KLHL29: variants seen among roughly 807,000 people sequenced by gnomAD.
The protein encoded by KLHL29 is kelch-like protein 29.
In KLHL29, 21 loss-of-function variants were observed where a neutral mutation model predicts 80.4. The ratio of observed to expected loss-of-function variants is 0.26; its 90% CI spans 0.19 to 0.38. The LOEUF is 0.38. KLHL29 is among the 10% of genes least tolerant of loss of function. KLHL29 has a pLI of 1.00. For synonymous variants in KLHL29, 511 were observed against 526.8 expected (o/e 0.97, Z 0.41); for missense variants, 867 against 1,223.9 (o/e 0.71, Z 4.35).
At chr2:23,643,067 A>G (rs1207847306) in intron 5 of KLHL29, 1 of 699,484 alleles carries the variant, frequency 1.4e-6, no homozygotes, top group African/African-American at 1.7e-5. Context: ...CAAAGTGGGA[A>G]AATGCGCCGG....
At chr2:23,430,324 A>C (rs546024508) in intron 1 of KLHL29, among the ~76,000 whole-genome samples, 1 of 152,334 alleles carries the variant, frequency 6.6e-6, no homozygotes, top group East Asian at 1.9e-4. Context: ...CTGCCTTGTG[A>C]AGACCTCATC....
chr2:23,573,185 G>A (rs910991262), intron 3 of KLHL29, among the ~76,000 whole-genome samples: 1 of 152,200 alleles, frequency 6.6e-6, no homozygotes, highest in African/African-American at 2.4e-5. Context: ...AGCATTTGCA[G>A]TCACAGTATC....
intron 2 of KLHL29, among the ~76,000 whole-genome samples, chr2:23,550,537 A>C (rs1202949955): frequency 1.3e-5 from 2 of 152,224 alleles, no homozygotes; most frequent in Non-Finnish European, 2.9e-5. Flanking sequence ...CGCAGCCGTC[A>C]ACCCAGATGC....
chr2:23,565,673 G>T (rs954819516), intron 3 of KLHL29, among the ~76,000 whole-genome samples: 1 of 152,188 alleles, frequency 6.6e-6, no homozygotes, highest in African/African-American at 2.4e-5. Flanking sequence ...TGGATGGTGG[G>T]GTGGGTGGGC....
chr2:23,594,214 T>A (rs1668339748), intron 3 of KLHL29, among the ~76,000 whole-genome samples: 1 of 152,038 alleles, frequency 6.6e-6, no homozygotes, highest in African/African-American at 2.4e-5. Flanking sequence ...TATTTGGGAG[T>A]GCTCCGGGGA....
At chr2:23,526,581 G>A (rs1247068606) in intron 2 of KLHL29, among the ~76,000 whole-genome samples, 1 of 152,144 alleles carries the variant, frequency 6.6e-6, no homozygotes, top group Non-Finnish European at 1.5e-5. Context: ...TGGGCTGGTG[G>A]CCTGCTCTGC....
At chr2:23,482,826 CTCATTCATTCAT>C (rs55692243) in intron 2 of KLHL29, among the ~76,000 whole-genome samples, 41,987 of 150,240 alleles carry the variant, frequency 0.28, 6,500 homozygotes, top group African/African-American at 0.4. Flanking sequence ...GCAACGCTCA[CTCATTCATTCAT>C]TCATTCATTC....
intron 3 of KLHL29, among the ~76,000 whole-genome samples, chr2:23,589,899 G>A (rs557642695): frequency 1.2e-4 from 19 of 152,358 alleles, no homozygotes; most frequent in Non-Finnish European, 8.8e-5. Flanking sequence ...TGTACAAGCT[G>A]TGCACTGAAC....
At chr2:23,441,330 G>T (rs1358970830) in intron 1 of KLHL29, among the ~76,000 whole-genome samples, 1 of 128,090 alleles carries the variant, frequency 7.8e-6, no homozygotes, top group Non-Finnish European at 1.6e-5. Flanking sequence ...GGACTGTGGC[G>T]GGGTGGGGGG....
chr2:23,613,818 TACA>T (rs1447724732), intron 3 of KLHL29, among the ~76,000 whole-genome samples: 1 of 122,276 alleles, frequency 8.2e-6, no homozygotes, highest in East Asian at 2.1e-4. Flanking sequence ...ACCAGGAAGA[TACA>T]ACAATTGTAC....
At chr2:23,519,048 C>T (rs1161884586) in intron 2 of KLHL29, among the ~76,000 whole-genome samples, 1 of 152,228 alleles carries the variant, frequency 6.6e-6, no homozygotes, top group East Asian at 1.9e-4. Flanking sequence ...GAGCCCACTT[C>T]TCTCCTCTCT....
At chr2:23,677,703 G>A (rs748496053) in intron 5 of KLHL29, among the ~76,000 whole-genome samples, 10 of 152,226 alleles carry the variant, frequency 6.6e-5, no homozygotes, top group Non-Finnish European at 1.3e-4. Context: ...GAGCAGCAGC[G>A]GGACGTTCTG....
intron 1 of KLHL29, among the ~76,000 whole-genome samples, chr2:23,391,930 TTGCAGTGATAC>T (rs1666331816): frequency 6.6e-6 from 1 of 152,260 alleles, no homozygotes; most frequent in Non-Finnish European, 1.5e-5. Flanking sequence ...CTTGTCCTAG[TTGCAGTGATAC>T]TGCAGAGGGA....
chr2:23,390,968 G>C (rs530032299), intron 1 of KLHL29, among the ~76,000 whole-genome samples: 30 of 152,220 alleles, frequency 2.0e-4, no homozygotes, highest in African/African-American at 7.0e-4. Context: ...CTGTGCATTC[G>C]TAGCATTCAC....
chr2:23,661,149 T>G (rs180674034), intron 5 of KLHL29, among the ~76,000 whole-genome samples: 1 of 152,248 alleles, frequency 6.6e-6, no homozygotes, highest in African/African-American at 2.4e-5. Context: ...AAGAGCAGCC[T>G]GGGAAACATG....
chr2:23,566,390 C>T (rs931691792), intron 3 of KLHL29, among the ~76,000 whole-genome samples: 27 of 152,222 alleles, frequency 1.8e-4, no homozygotes, highest in African/African-American at 6.5e-4. Context: ...CCAAGGTCAC[C>T]CAGTGAGTTA....
chr2:23,683,349 C>G lies in KLHL29; in HGVS notation c.941-1050C>G, dbSNP rs554890531. On this transcript the variant is annotated intron_variant, in intron 5 of 13. Transcript: ENST00000486442. ...AAGGATCAGGGCCTCTGACGCGCAG[C>G]TGCCAGCAACATTAAGGGCAGGCTT... Among the ~76,000 whole-genome samples, 9 of 152,370 alleles carry G rather than the reference C, an allele frequency of 5.9e-5. No individual in the cohort carries two copies. The South Asian group carries it at 1.9e-3, about 32-fold the overall frequency.
At chr2:23,508,272 G>A (rs1665662820) in intron 2 of KLHL29, among the ~76,000 whole-genome samples, 1 of 152,224 alleles carries the variant, frequency 6.6e-6, no homozygotes, top group Non-Finnish European at 1.5e-5. Context: ...AACACAGTGG[G>A]GAGAGCTTGT....
intron 2 of KLHL29, among the ~76,000 whole-genome samples, chr2:23,504,434 G>GT (rs1665537773): frequency 6.6e-6 from 1 of 152,298 alleles, no homozygotes; most frequent in South Asian, 2.1e-4. Context: ...TGCCCATGGG[G>GT]TCAGAGGCCT....
Sources: allele counts gnomAD v4.1 joint callset (sites outside exome capture counted in the v4.1 genomes callset), GRCh38; gene constraint gnomAD v4.1.1; transcripts MANE v1.5; gene names NCBI Gene and HGNC (gene_info 2026-07-23, HGNC 2026-07-21).